The following C3 variants were observed in gnomAD, a reference collection of about 807,000 sequenced individuals.
C3 encodes the protein C3 and PZP-like alpha-2-macroglobulin domain-containing protein 1.
C3 carries 97 observed loss-of-function variants against 207.9 expected under a neutral mutation model. That is an observed-to-expected ratio of 0.47 (90% CI 0.40 to 0.55). The LOEUF (loss-of-function observed/expected upper bound fraction) is 0.55. Ranked by LOEUF, C3 falls within the 20% of genes least tolerant of loss-of-function variation. The probability of loss-of-function intolerance (pLI) is 0.00; values close to 1 mark genes in which losing one functional copy is unlikely to be tolerated. For synonymous variants in C3, 848 were observed against 857.6 expected (o/e 0.99, Z 0.20); for missense variants, 1,684 against 2,171.7 (o/e 0.78, Z 4.46).
At chr19:6,687,907 A>G (rs1247897977) in intron 27 of C3, among the ~76,000 whole-genome samples, 1 of 144,594 alleles carries the variant, frequency 6.9e-6, no homozygotes, top group African/African-American at 2.6e-5. Flanking sequence ...CCCACGCTGG[A>G]GTGCAGTGGC....
intron 17 of C3, among the ~76,000 whole-genome samples, chr19:6,705,414 C>G (rs938261824): frequency 2.1e-4 from 31 of 148,408 alleles, no homozygotes; most frequent in Non-Finnish European, 4.0e-4. Context: ...GTGATTTTGG[C>G]TCATTGACGC....
At position 6,719,205 on chromosome 19, in the gene C3, A is replaced by T; in HGVS notation, c.267+6T>A. On this transcript the variant is annotated splice_donor_region_variant and intron_variant, in intron 2 of 40. Transcript: ENST00000245907. This position sits in a 1 kb window ranked among gnomAD's most constrained non-coding sequence, Gnocchi z 5.4. ...TCAGCCGGGTCCTGCGCCAGTCTGC[A>T]CTCACCGTGAAGGTGACGTTGCCCA... is the stretch of plus-strand genomic sequence containing the variant. 2 of 1,612,834 alleles carry T rather than the reference A, an allele frequency of 1.2e-6. No homozygotes were observed. The highest frequency in any genetic ancestry group is 1.7e-6 in the Non-Finnish European group (2 of 1,178,978).
chr19:6,685,696 G>A (rs1003725365), intron 29 of C3, among the ~76,000 whole-genome samples: 4 of 152,132 alleles, frequency 2.6e-5, no homozygotes, highest in African/African-American at 9.7e-5. Flanking sequence ...AATGCCCCAG[G>A]GTAACTGGGA....
Position 6,707,789 on chromosome 19 carries a change from G to A in C3, c.1975+11C>T, listed in dbSNP as rs764398204. 6.2e-7 allele frequency: 1 copy of A among 1,613,016 alleles called. No individual in the cohort carries two copies. The highest frequency in any genetic ancestry group is 8.5e-7 in the Non-Finnish European group (1 of 1,179,930). ...GTCTGTCCCTGCACCGGCCCCTGGT[G>A]GCGACCTCACCTGCCCTCTGGGCGG... On this transcript the variant is annotated intron_variant, in intron 15 of 40. Coordinates refer to ENST00000245907, the MANE Select transcript of C3 (RefSeq NM_000064.4).
chr19:6,707,435 G>C, intron 16 of C3, 31 bp downstream of exon 16: 2 of 1,611,382 alleles, frequency 1.2e-6, no homozygotes, highest in Non-Finnish European at 1.7e-6. Flanking sequence ...GGTGGGGCTC[G>C]GGGGCAGGAG....
At chr19:6,704,633 C>T (rs971975589) in intron 17 of C3, among the ~76,000 whole-genome samples, 8 of 151,968 alleles carry the variant, frequency 5.3e-5, no homozygotes, top group African/African-American at 1.9e-4. Context: ...GTGGCAGGTG[C>T]CTGTAATCCC....
chr19:6,718,834 T>C (rs981667794), intron 2 of C3, among the ~76,000 whole-genome samples: 7 of 123,152 alleles, frequency 5.7e-5, no homozygotes, highest in African/African-American at 2.2e-4. Flanking sequence ...GGGAGGAGAC[T>C]CAGAAGGGGT....
chr19:6,719,306 T>C lies in C3; in HGVS notation c.172A>G (p.Thr58Ala). The C allele has an allele frequency of 6.2e-7, 1 of 1,613,986 alleles. No homozygotes were observed. The highest frequency in any genetic ancestry group is 8.5e-7 in the Non-Finnish European group (1 of 1,179,944). Residue 58 changes from threonine to alanine, a missense_variant, in exon 2 of 41, where the codon ACT becomes GCT. Physicochemically the swap from Thr to Ala is moderately conservative, Grantham distance 58. Transcript: ENST00000245907. The surrounding 1 kb of genome is among the most constrained non-coding windows in gnomAD (Gnocchi z 5.4). ...TTTTTGCCTGGGAAGTCGTGGACAG[T>C]AACAGTGACTGGAACATCCCCTTGC... ...DAQGDVPVTV[T>A]VHDFPGKKLV...
At chr19:6,698,007 ATT>A (rs778196009) in intron 19 of C3, among the ~76,000 whole-genome samples, 31 of 149,714 alleles carry the variant, frequency 2.1e-4, no homozygotes, top group South Asian at 1.9e-3. Context: ...TATTATTATT[ATT>A]ATTATTATTA....
rs1967910871 is a variant in C3 at position 6,710,976 on chromosome 19, T to G, written c.1479+11A>C. ...GGAGGCGGGGGCTGAGGTTTCCAGGTGGCCACGGACCAGGTAGGTGTAGTA... is the reference window on the plus strand; with the variant it reads ...GGAGGCGGGGGCTGAGGTTTCCAGGGGGCCACGGACCAGGTAGGTGTAGTA... On this transcript the variant is annotated intron_variant, in intron 12 of 40. Coordinates refer to ENST00000245907, the MANE Select transcript of C3 (RefSeq NM_000064.4). The G allele has an allele frequency of 6.2e-7, 1 of 1,613,378 alleles. No homozygotes were observed. Among genetic ancestry groups the G allele is most frequent in the South Asian group, 1.1e-5 (1 of 91,066 alleles).
At chr19:6,694,962 T>C (rs1234512556) in intron 23 of C3, among the ~76,000 whole-genome samples, 1 of 152,132 alleles carries the variant, frequency 6.6e-6, no homozygotes, top group African/African-American at 2.4e-5. Context: ...GAGAATACCA[T>C]AGAGTGTCTC....
At chr19:6,695,350 G>A (rs1337876282) in intron 23 of C3, among the ~76,000 whole-genome samples, 2 of 152,034 alleles carry the variant, frequency 1.3e-5, no homozygotes, top group East Asian at 3.9e-4. Context: ...AAAAACCAAG[G>A]CTCTTGCCCC....
Position 6,707,286 on chromosome 19 carries a change from GTGT to G in C3, c.2048-16_2048-14del, listed in dbSNP as rs770574174. ...GGGTACTTGCCGACTGCGGGAGCAC[GTGT>G]TCCCCCAGGCCACACCCTCAGCCGG... On this transcript the variant is annotated splice_polypyrimidine_tract_variant and intron_variant, in intron 16 of 40. Transcript: ENST00000245907. 5.1e-6 allele frequency: 8 copies of G among 1,581,752 alleles called. No individual in the cohort carries two copies. In the African/African-American group the frequency reaches 1.5e-4, roughly 29 times the overall value.
At chr19:6,710,092 G>T (rs1461266288) in intron 13 of C3, among the ~76,000 whole-genome samples, 1 of 134,064 alleles carries the variant, frequency 7.5e-6, no homozygotes, top group Non-Finnish European at 1.6e-5. Context: ...GGAGAGAGAC[G>T]GAGAGACAGA....
At chr19:6,710,452 A>G (rs1324993763) in intron 13 of C3, among the ~76,000 whole-genome samples, 187 bp downstream of exon 13, 1 of 148,996 alleles carries the variant, frequency 6.7e-6, no homozygotes, top group Non-Finnish European at 1.5e-5. Flanking sequence ...AGAGAGAGGG[A>G]AAGAGAGATA....
At chr19:6,684,687 C>G in intron 31 of C3, 37 bp from the exon 32 acceptor site, 1 of 1,601,904 alleles carries the variant, frequency 6.2e-7, no homozygotes, top group Non-Finnish European at 8.6e-7. Flanking sequence ...TGTCAGCCCA[C>G]AGGACTAGGA....
chr19:6,715,497 A>G (rs1351455914), intron 4 of C3, among the ~76,000 whole-genome samples: 1 of 152,170 alleles, frequency 6.6e-6, no homozygotes, highest in Non-Finnish European at 1.5e-5. Context: ...TAATGAATGA[A>G]TGAATGAATA....
intron 7 of C3, 156 bp from the exon 8 acceptor site, chr19:6,713,665 C>A: frequency 3.3e-6 from 2 of 598,482 alleles, no homozygotes; most frequent in Non-Finnish European, 6.0e-6. Flanking sequence ...CCACCCCCAG[C>A]CCCCCACCTT....
At chr19:6,705,196 T>A (rs921264634) in intron 17 of C3, among the ~76,000 whole-genome samples, 1 of 152,204 alleles carries the variant, frequency 6.6e-6, no homozygotes, top group African/African-American at 2.4e-5. Flanking sequence ...CAGCCCACCA[T>A]CCATGTGGAT....
Sources: allele counts gnomAD v4.1 joint callset (sites outside exome capture counted in the v4.1 genomes callset), GRCh38; gene constraint gnomAD v4.1.1; non-coding constraint Gnocchi (gnomAD v3.1); transcripts MANE v1.5; gene names NCBI Gene and HGNC (gene_info 2026-07-23, HGNC 2026-07-21).